KL: variants seen among roughly 807,000 people sequenced by gnomAD.
KL encodes alpha-klotho.
KL carries 62 observed loss-of-function variants against 84.2 expected under a neutral mutation model. The ratio of observed to expected loss-of-function variants is 0.74; its 90% CI spans 0.60 to 0.91. The LOEUF (loss-of-function observed/expected upper bound fraction) is 0.91, where lower values mean the gene tolerates loss of function less well. Ranked by LOEUF, KL falls within the 40% of genes least tolerant of loss-of-function variation. The pLI is 0.00. For synonymous variants in KL, 528 were observed against 528.0 expected (o/e 1.00, Z 0.00); for missense variants, 1,261 against 1,305.7 (o/e 0.97, Z 0.53).
intron 1 of KL, among the ~76,000 whole-genome samples, chr13:33,021,988 T>C (rs1870592515): frequency 6.6e-6 from 1 of 152,256 alleles, no homozygotes; most frequent in Admixed American, 6.5e-5. Flanking sequence ...TCAGAAATAG[T>C]TAAAATATCT....
At chr13:33,053,681 A>C in intron 1 of KL, 86 bp from the exon 2 acceptor site, 2 of 1,240,234 alleles carry the variant, frequency 1.6e-6, no homozygotes, top group East Asian at 4.6e-5. Context: ...TGAGAAACAG[A>C]TATAATCTGA....
intron 1 of KL, among the ~76,000 whole-genome samples, chr13:33,026,622 C>A (rs1468142894): frequency 6.6e-6 from 1 of 152,202 alleles, no homozygotes; most frequent in Non-Finnish European, 1.5e-5. Context: ...TGGCTTCTGG[C>A]AGTTAAGCAC....
chr13:33,016,534 C>A lies in KL; in HGVS notation c.94C>A (p.Arg32Ser). The A allele has an allele frequency of 7.4e-7, 1 of 1,352,886 alleles. No homozygotes were observed. Among genetic ancestry groups the A allele is most frequent in the Non-Finnish European group, 9.5e-7 (1 of 1,057,122 alleles). 83.8% of individuals were successfully genotyped at this position (1,352,886 alleles called of 1,614,324 possible). A position where few individuals can be genotyped will look rare whatever the true frequency, so the allele number is the denominator to read the frequency against. ...GCTGGGCCTGGGCGGCCGCCGCCTG[C>A]GTGCGGAGCCGGGCGACGGCGCGCA... ...VLLGLGGRRL[R>S]AEPGDGAQTW... The change falls in exon 1 of 5, where the codon CGT becomes AGT. Residue 32 changes from arginine (R) to serine (S), a missense_variant. Physicochemically the swap from Arg to Ser is moderately radical, Grantham distance 110. Transcript: ENST00000380099.
intron 1 of KL, among the ~76,000 whole-genome samples, chr13:33,046,290 G>A (rs961085687): frequency 6.6e-6 from 1 of 152,028 alleles, no homozygotes; most frequent in African/African-American, 2.4e-5. Flanking sequence ...TAGTTTGAAA[G>A]TTTTTGATTA....
At chr13:33,059,303 A>G (rs1178436036) in intron 3 of KL, among the ~76,000 whole-genome samples, 1 of 152,102 alleles carries the variant, frequency 6.6e-6, no homozygotes, top group Non-Finnish European at 1.5e-5. Context: ...CTTTTTTTAA[A>G]TTTTTATTTG....
intron 4 of KL, among the ~76,000 whole-genome samples, chr13:33,063,232 C>A (rs1326339918): frequency 6.6e-6 from 1 of 151,394 alleles, no homozygotes; most frequent in African/African-American, 2.4e-5. Context: ...AATGGGACAA[C>A]CTTCAGCTTC....
chr13:33,028,218 A>C (rs1161779980), intron 1 of KL, among the ~76,000 whole-genome samples: 1 of 152,226 alleles, frequency 6.6e-6, no homozygotes, highest in East Asian at 1.9e-4. Context: ...AAGGGGTAGC[A>C]ACTGATGGCC....
At position 33,064,171 on chromosome 13, in the gene KL, A is replaced by G. The variant is rs1346749047; in HGVS notation, c.3024A>G (p.Arg1008=). The stretch of plus-strand genomic sequence containing the variant: ...TATTTTACTACTCGAAGAAAGGCAG[A>G]AGAAGTTACAAATAGTTCTGAACAT... ...SLIFYYSKKG[R]RSYK is the part of the protein sequence containing the mutation. Residue 1008 remains arginine (R), a synonymous_variant, in exon 5 of 5, where the codon AGA becomes AGG. Coordinates refer to ENST00000380099, the MANE Select transcript of KL (RefSeq NM_004795.4). The G allele has an allele frequency of 2.5e-6, 4 of 1,602,050 alleles. No individual in the cohort carries two copies. In the South Asian group the frequency reaches 4.4e-5, roughly 18 times the overall value.
At chr13:33,021,062 T>G (rs211235) in intron 1 of KL, among the ~76,000 whole-genome samples, 70,317 of 152,058 alleles carry the variant, frequency 0.46, 17,682 homozygotes, top group Middle Eastern at 0.55. Context: ...CCCTTCGCTA[T>G]CTGGGGTAAT....
chr13:33,043,100 G>A (rs983585787), intron 1 of KL, among the ~76,000 whole-genome samples: 2 of 152,128 alleles, frequency 1.3e-5, no homozygotes, highest in African/African-American at 4.8e-5. Context: ...AGATTATAGA[G>A]AAAATCTATC....
chr13:33,041,732 C>T (rs1316288175), intron 1 of KL, among the ~76,000 whole-genome samples: 3 of 152,108 alleles, frequency 2.0e-5, no homozygotes, highest in East Asian at 1.9e-4. Context: ...ATGCCCTTCC[C>T]GTACCCTCTA....
Position 33,061,098 on chromosome 13 carries a change from C to T in KL, c.2019C>T (p.Cys673=), listed in dbSNP as rs199532486. 11 of 1,613,660 alleles carry T rather than the reference C, an allele frequency of 6.8e-6. No homozygotes were observed. Among genetic ancestry groups the T allele is most frequent in the Non-Finnish European group, 9.3e-6 (11 of 1,179,786 alleles). The change falls in exon 4 of 5, where the codon TGC becomes TGT. Residue 673 remains cysteine (C), a synonymous_variant. Coordinates refer to ENST00000380099, the MANE Select transcript of KL (RefSeq NM_004795.4). ...ALAFAEYARL[C]FQELGHHVKL... ...CCTTTGCAGAGTATGCCCGACTGTG[C>T]TTTCAAGAGCTCGGCCATCACGTCA...
In KL at chr13:33,064,159, G is replaced by T. The variant is rs139874106; in HGVS notation, c.3012G>T (p.Ser1004=). The T allele has an allele frequency of 7.5e-6, 12 of 1,608,840 alleles. No homozygotes were observed. The highest frequency in any genetic ancestry group is 9.4e-6 in the Non-Finnish European group (11 of 1,176,448). ...CTCTCTCCCTTATATTTTACTACTCGAAGAAAGGCAGAAGAAGTTACAAAT... is the reference window on the plus strand; with the variant it reads ...CTCTCTCCCTTATATTTTACTACTCTAAGAAAGGCAGAAGAAGTTACAAAT... ...IISLSLIFYY[S]KKGRRSYK is the part of the protein sequence containing the mutation. Residue 1004 remains serine (S), a synonymous_variant, in exon 5 of 5, where the codon TCG becomes TCT. Transcript: ENST00000380099.
rs1395663733 is a variant in KL, at chr13:33,065,535, C to G, written c.*1349C>G. 1 of 186,718 alleles carries G rather than the reference C, an allele frequency of 5.4e-6. No individual in the cohort carries two copies. The highest frequency in any genetic ancestry group is 1.1e-5 in the Non-Finnish European group (1 of 88,200). 11.6% of individuals were successfully genotyped at this position (186,718 alleles called of 1,614,324 possible). ...ACAGGCATTGCCAACCTCACTGACA[C>G]AGGGTCATAGTGTATAATAATATAC... On this transcript the variant is annotated 3_prime_UTR_variant, in exon 5 of 5. Transcript: ENST00000380099.
chr13:33,025,011 C>A (rs529861677), intron 1 of KL, among the ~76,000 whole-genome samples: 1 of 152,270 alleles, frequency 6.6e-6, no homozygotes, highest in African/African-American at 2.4e-5. Flanking sequence ...CCTTTTTACT[C>A]CTTCCTGGCC....
intron 1 of KL, among the ~76,000 whole-genome samples, chr13:33,047,163 A>G (rs1871562399): frequency 6.6e-6 from 1 of 152,068 alleles, no homozygotes; most frequent in African/African-American, 2.4e-5. Context: ...TATGTCTGTT[A>G]GCTCTAGGTG....
chr13:33,024,377 G>A (rs1870680933), intron 1 of KL, among the ~76,000 whole-genome samples: 1 of 152,184 alleles, frequency 6.6e-6, no homozygotes, highest in Non-Finnish European at 1.5e-5. Flanking sequence ...GAGGAGAGGG[G>A]AAAGTCGACC....
Position 33,064,948 on chromosome 13 carries a change from T to C in KL, c.*762T>C, listed in dbSNP as rs187538688. ...GGAAAAACAAACATGAATCCTGTGA[T>C]ATTGGGCTCTTCAGGAAGCATAAAG... is the stretch of plus-strand genomic sequence containing the variant. On this transcript the variant is annotated 3_prime_UTR_variant, in exon 5 of 5. Coordinates refer to ENST00000380099, the MANE Select transcript of KL (RefSeq NM_004795.4). 6 of 228,500 alleles carry C rather than the reference T, an allele frequency of 2.6e-5. No homozygotes were observed. In the Admixed American group the frequency reaches 2.8e-4, roughly 11 times the overall value. The allele number at this position is 228,500 out of a possible 1,614,324, so 14.2% of individuals were successfully genotyped here. A position where few individuals can be genotyped will look rare whatever the true frequency, so the allele number is the denominator to read the frequency against.
At chr13:33,018,327 T>C (rs987260192) in intron 1 of KL, among the ~76,000 whole-genome samples, 17 of 152,244 alleles carry the variant, frequency 1.1e-4, no homozygotes, top group Non-Finnish European at 1.5e-4. Flanking sequence ...CCACATATTC[T>C]GAACAAAGTC....
Sources: allele counts gnomAD v4.1 joint callset (sites outside exome capture counted in the v4.1 genomes callset), GRCh38; gene constraint gnomAD v4.1.1; transcripts MANE v1.5; gene names NCBI Gene and HGNC (gene_info 2026-07-23, HGNC 2026-07-21).